The following SVEP1 variants were observed in gnomAD, a reference collection of about 807,000 sequenced individuals.
SVEP1 encodes the protein sushi, von Willebrand factor type A, EGF and pentraxin domain-containing protein 1.
A neutral mutation model predicts 367.3 loss-of-function variants in SVEP1; 164 were observed. The observed-to-expected ratio is 0.45, with a 90% confidence interval of 0.39 to 0.51. SVEP1 has a LOEUF of 0.51. Among genes scored for constraint, SVEP1 ranks in the 20% least tolerant of loss-of-function variants. SVEP1 has a pLI of 0.00. For missense variants in SVEP1, 4,117 were observed against 4,425.3 expected, an observed-to-expected ratio of 0.93 and a Z score of 1.98; for synonymous variants, 1,666 against 1,611.6, an observed-to-expected ratio of 1.03 and a Z score of -0.81.
At chr9:110,403,582 C>T (rs1305393508) in intron 39 of SVEP1, among the ~76,000 whole-genome samples, 5 of 151,864 alleles carry the variant, frequency 3.3e-5, no homozygotes, top group Admixed American at 6.6e-5. Flanking sequence ...GGATTACAGG[C>T]GTGAGCCACC....
rs183171521 is a variant in SVEP1, at chr9:110,532,065, C to G, written c.964+14050G>C. Among the ~76,000 whole-genome samples, 3 of 152,246 alleles carry G rather than the reference C, an allele frequency of 2.0e-5. No individual in the cohort carries two copies. The East Asian group carries it at 5.8e-4, about 29-fold the overall frequency. ...AATTCCCAGGAAGTTGGGAACCAAG[C>G]AGAGTTCCCATATGCTGTGTTCTAG... On this transcript the variant is annotated intron_variant, in intron 3 of 47. Coordinates refer to ENST00000374469, the MANE Select transcript of SVEP1 (RefSeq NM_153366.4).
chr9:110,576,946 A>T (rs2118894785), intron 1 of SVEP1, among the ~76,000 whole-genome samples: 1 of 152,202 alleles, frequency 6.6e-6, no homozygotes, highest in South Asian at 2.1e-4. Flanking sequence ...TTCCAGATGG[A>T]TTAAACTGCT....
intron 6 of SVEP1, among the ~76,000 whole-genome samples, chr9:110,501,506 G>T (rs1178826120): frequency 4.1e-5 from 6 of 144,826 alleles, no homozygotes; most frequent in South Asian, 2.2e-4. Context: ...CTATTTTGTT[G>T]TGGGGGGGGC....
At chr9:110,545,086 G>A (rs144948439) in intron 3 of SVEP1, among the ~76,000 whole-genome samples, 91 of 152,256 alleles carry the variant, frequency 6.0e-4, no homozygotes, top group African/African-American at 2.0e-3. Flanking sequence ...TGCCACGAAT[G>A]ATAGGATTTC....
chr9:110,409,406 A>G (rs1049786580), intron 37 of SVEP1, among the ~76,000 whole-genome samples: 2 of 152,198 alleles, frequency 1.3e-5, no homozygotes, highest in Non-Finnish European at 2.9e-5. Flanking sequence ...TGGGAGACAG[A>G]GCAAGACTCT....
rs759880990 is a variant in SVEP1 at position 110,481,285 on chromosome 9, G to T, written c.2322C>A (p.Gly774=). The T allele has an allele frequency of 1.2e-6, 2 of 1,603,532 alleles. No individual in the cohort carries two copies. The highest frequency in any genetic ancestry group is 1.1e-5 in the South Asian group (1 of 88,680). Residue 774 remains glycine, a synonymous_variant, in exon 12 of 48, where the codon GGC becomes GGA. Transcript: ENST00000374469. ...TDKYYCAYED[G]VWKPTYTTEW... The stretch of plus-strand genomic sequence containing the variant: ...CAGTGGTATATGTTGGTTTCCAGAC[G>T]CCATCTTCATAAGCACAATAATACT...
At chr9:110,493,298 A>G (rs1829398350) in intron 8 of SVEP1, among the ~76,000 whole-genome samples, 1 of 152,044 alleles carries the variant, frequency 6.6e-6, no homozygotes, top group Non-Finnish European at 1.5e-5. Context: ...TGCTTCTCAG[A>G]GTGCATCAGC....
rs1449284108 is a variant in SVEP1, at chr9:110,406,900, C to G, written c.8700G>C (p.Gly2900=). Residue 2900 remains glycine, a synonymous_variant, in exon 38 of 48, where the codon GGG becomes GGC. Transcript: ENST00000374469. Reference sequence around the variant, plus strand: ...AGCCATAGTCCAGGCCTTCCGTCACCCCATTGGCCAGTTGTGGCGGGGTGG... The same window carrying G: ...AGCCATAGTCCAGGCCTTCCGTCACGCCATTGGCCAGTTGTGGCGGGGTGG... ...RCATPPQLAN[G]VTEGLDYGFM... is the part of the protein sequence containing the mutation. 4.3e-6 allele frequency: 7 copies of G among 1,613,800 alleles called. No homozygotes were observed. The highest frequency in any genetic ancestry group is 5.9e-6 in the Non-Finnish European group (7 of 1,179,890).
chr9:110,367,471 A>C (rs1326732516), intron 47 of SVEP1, among the ~76,000 whole-genome samples: 4 of 152,202 alleles, frequency 2.6e-5, no homozygotes, highest in Admixed American at 2.0e-4. Context: ...TCAGCCCAGC[A>C]TACAAACTTT....
intron 27 of SVEP1, 30 bp from the exon 28 acceptor site, chr9:110,436,534 G>A (rs1828433163): frequency 6.2e-7 from 1 of 1,605,654 alleles, no homozygotes; most frequent in Non-Finnish European, 8.5e-7. Context: ...AAGAAAAGGA[G>A]GAAAACTGGC....
chr9:110,537,387 A>G (rs1318600056), intron 3 of SVEP1, among the ~76,000 whole-genome samples: 3 of 152,010 alleles, frequency 2.0e-5, no homozygotes, highest in Admixed American at 1.3e-4. Context: ...TGTGTGAGAA[A>G]GTATCAAAAT....
Position 110,471,540 on chromosome 9 carries a change from C to T in SVEP1, c.2822G>A (p.Arg941Gln), listed in dbSNP as rs757833118. The change falls in exon 16 of 48, where the codon CGA becomes CAA. Residue 941 changes from arginine (R) to glutamine (Q), a missense_variant. By Grantham distance (43) the Arg-to-Gln change is conservative. Coordinates refer to ENST00000374469, the MANE Select transcript of SVEP1 (RefSeq NM_153366.4). Reference protein sequence around the residue: ...NDTLEWENQQRLLQTLETITN... With the variant: ...NDTLEWENQQQLLQTLETITN... ...GATAGTTTCCAATGTCTGAAGGAGT[C>T]GTTGCTGATTTTCCCATTCAAGGGT... The T allele has an allele frequency of 4.6e-5, 74 of 1,613,694 alleles. No individual in the cohort carries two copies. The highest frequency in any genetic ancestry group is 5.5e-5 in the Non-Finnish European group (65 of 1,179,876).
intron 45 of SVEP1, among the ~76,000 whole-genome samples, chr9:110,376,447 T>G (rs749938028): frequency 6.6e-6 from 1 of 152,234 alleles, no homozygotes; most frequent in Non-Finnish European, 1.5e-5. Flanking sequence ...TTTAATCATT[T>G]GAGAATACTT....
intron 6 of SVEP1, among the ~76,000 whole-genome samples, chr9:110,500,150 TTTC>T (rs1564160368): frequency 6.6e-6 from 1 of 151,332 alleles, no homozygotes; most frequent in African/African-American, 2.4e-5. Flanking sequence ...CATGAAATAA[TTTC>T]TTTCCAAACT....
At chr9:110,466,579 A>C (rs1414800016) in intron 17 of SVEP1, among the ~76,000 whole-genome samples, 1 of 151,566 alleles carries the variant, frequency 6.6e-6, no homozygotes, top group African/African-American at 2.4e-5. Flanking sequence ...TAAAACGGTG[A>C]AACCCCGTCT....
intron 2 of SVEP1, among the ~76,000 whole-genome samples, chr9:110,548,264 T>A (rs1290187839): frequency 6.6e-6 from 1 of 152,160 alleles, no homozygotes; most frequent in Admixed American, 6.5e-5. Flanking sequence ...GTGATACATA[T>A]AATAATAGTT....
intron 11 of SVEP1, 90 bp from the exon 12 acceptor site, chr9:110,481,526 T>C (rs1264620580): frequency 1.1e-6 from 1 of 912,854 alleles, no homozygotes; most frequent in African/African-American, 1.9e-5. Context: ...TGAAAAGGAC[T>C]CCTCCTGTCT....
rs759190053 is a variant in SVEP1 at position 110,387,340 on chromosome 9, A to G, written c.10005T>C (p.Ser3335=). The G allele has an allele frequency of 3.7e-6, 6 of 1,613,144 alleles. No individual in the cohort carries two copies. The African/African-American group carries it at 8.0e-5, about 22-fold the overall frequency. ...CNRGYSLEGP[S]EAHCTENGTW... is the part of the protein sequence containing the mutation. The stretch of plus-strand genomic sequence containing the variant: ...TTCCATTTTCTGTGCAGTGTGCCTC[A>G]GATGGCCCTTCAAGACTGTAGCCTC... The change falls in exon 42 of 48, where the codon TCT becomes TCC. Residue 3335 remains serine, a synonymous_variant. Coordinates refer to ENST00000374469, the MANE Select transcript of SVEP1 (RefSeq NM_153366.4).
chr9:110,377,087 A>G, intron 45 of SVEP1, 184 bp downstream of exon 45: 1 of 468,304 alleles, frequency 2.1e-6, no homozygotes, highest in Non-Finnish European at 3.8e-6. Flanking sequence ...CAGTATTTTC[A>G]AAGTCATTAA....
Sources: allele counts gnomAD v4.1 joint callset (sites outside exome capture counted in the v4.1 genomes callset), GRCh38; gene constraint gnomAD v4.1.1; transcripts MANE v1.5; gene names NCBI Gene and HGNC (gene_info 2026-07-23, HGNC 2026-07-21).